NDUFB3: variants seen among roughly 807,000 people sequenced by gnomAD.
NDUFB3 encodes the protein NADH dehydrogenase [ubiquinone] 1 beta subcomplex subunit 3.
In NDUFB3, 7 loss-of-function variants were observed where a neutral mutation model predicts 9.0. That is an observed-to-expected ratio of 0.78 (90% confidence interval 0.44 to 1.46). The LOEUF is 1.46. NDUFB3 is among the 40% of genes most tolerant of loss of function. The pLI is 0.01. For synonymous variants in NDUFB3, 29 were observed against 38.5 expected (o/e 0.75, Z 0.91); for missense variants, 93 against 115.4 (o/e 0.81, Z 0.89).
intron 2 of NDUFB3, among the ~76,000 whole-genome samples, chr2:201,084,322 A>G (rs1400651191): frequency 6.6e-6 from 1 of 151,736 alleles, no homozygotes; most frequent in East Asian, 1.9e-4. Flanking sequence ...TTAGTCAGAC[A>G]TGGTGGCGGG....
intron 2 of NDUFB3, among the ~76,000 whole-genome samples, chr2:201,082,390 G>A (rs867614559): frequency 1.9e-4 from 29 of 151,844 alleles, no homozygotes; most frequent in Non-Finnish European, 4.0e-4. Context: ...TCAGCCTCCC[G>A]AGTAGCTGGG....
intron 1 of NDUFB3, among the ~76,000 whole-genome samples, chr2:201,075,998 A>G (rs2047159177): frequency 6.6e-6 from 1 of 152,226 alleles, no homozygotes; most frequent in South Asian, 2.1e-4. Flanking sequence ...AAGCCAAGAC[A>G]TTATCATTCT....
chr2:201,082,247 C>G (rs1337839803), intron 2 of NDUFB3, among the ~76,000 whole-genome samples: 2 of 151,512 alleles, frequency 1.3e-5, no homozygotes, highest in Non-Finnish European at 2.9e-5. Context: ...AGCCATCAGG[C>G]CTGGCGTTGT....
chr2:201,083,181 T>G (rs983945770), intron 2 of NDUFB3, among the ~76,000 whole-genome samples: 1 of 152,168 alleles, frequency 6.6e-6, no homozygotes, highest in African/African-American at 2.4e-5. Flanking sequence ...ACTACTATAA[T>G]GTTGAATGAA....
chr2:201,074,252 C>A (rs1163397177), intron 1 of NDUFB3, among the ~76,000 whole-genome samples: 1 of 151,956 alleles, frequency 6.6e-6, no homozygotes, highest in African/African-American at 2.4e-5. Context: ...CGCTCCTGGC[C>A]TCCAAAGACA....
chr2:201,076,463 G>C (rs2047163418), intron 1 of NDUFB3, among the ~76,000 whole-genome samples: 1 of 138,124 alleles, frequency 7.2e-6, no homozygotes, highest in African/African-American at 2.8e-5. Context: ...CTATGATCCA[G>C]AGCAAGACCC....
intron 1 of NDUFB3, among the ~76,000 whole-genome samples, chr2:201,078,172 G>A (rs1365685198): frequency 1.3e-5 from 2 of 152,024 alleles, no homozygotes; most frequent in East Asian, 1.9e-4. Flanking sequence ...CGTGGTGGCG[G>A]GCACCTGTAG....
At chr2:201,074,834 T>C (rs540384905) in intron 1 of NDUFB3, among the ~76,000 whole-genome samples, 1 of 152,206 alleles carries the variant, frequency 6.6e-6, no homozygotes, top group Non-Finnish European at 1.5e-5. Context: ...AGTATGAAAG[T>C]AGAAGGCACA....
intron 1 of NDUFB3, among the ~76,000 whole-genome samples, chr2:201,075,444 T>C (rs914292893): frequency 4.1e-4 from 62 of 151,352 alleles, no homozygotes; most frequent in African/African-American, 1.4e-3. Context: ...GGGGTTCCTG[T>C]AGTCCCAGCT....
rs530419292 is a variant in NDUFB3, at chr2:201,073,992, G to A, written c.-3+1933G>A. ...TTTTGAGACAGAGTCTCGCTCTGTCGCCCAGGCTGGAGTGCAGTGGCGCGA... is the reference window on the plus strand; with the variant it reads ...TTTTGAGACAGAGTCTCGCTCTGTCACCCAGGCTGGAGTGCAGTGGCGCGA... On this transcript the variant is annotated intron_variant, in intron 1 of 2. Coordinates refer to ENST00000237889, the MANE Select transcript of NDUFB3 (RefSeq NM_002491.3). 2.0e-4 allele frequency among the ~76,000 whole-genome samples: 30 copies of A among 151,372 alleles called. No homozygotes were observed. In the South Asian group the frequency reaches 5.3e-3, roughly 27 times the overall value.
At chr2:201,077,752 T>C (rs1281353457) in intron 1 of NDUFB3, among the ~76,000 whole-genome samples, 1 of 152,192 alleles carries the variant, frequency 6.6e-6, no homozygotes, top group African/African-American at 2.4e-5. Flanking sequence ...CAATAAGGTA[T>C]TTGCGGTAGT....
At chr2:201,080,796 C>G (rs562609139) in intron 2 of NDUFB3, among the ~76,000 whole-genome samples, 3 of 150,692 alleles carry the variant, frequency 2.0e-5, no homozygotes, top group Non-Finnish European at 4.4e-5. Context: ...CTCCACCTCC[C>G]GGGTTCACGC....
chr2:201,083,351 C>CTTTTTTTTTTTTT (rs748310803), intron 2 of NDUFB3, among the ~76,000 whole-genome samples: 4 of 119,984 alleles, frequency 3.3e-5, no homozygotes, highest in Admixed American at 8.6e-5. Flanking sequence ...TTTATTATTT[C>CTTTTTTTTTTTTT]TTTTTTTTTT....
intron 2 of NDUFB3, among the ~76,000 whole-genome samples, chr2:201,080,699 C>CTTTT (rs58130221): frequency 3.0e-4 from 30 of 99,020 alleles, no homozygotes; most frequent in East Asian, 8.8e-4. Flanking sequence ...AGATCTCCAA[C>CTTTT]TTTTTTTTTT....
intron 2 of NDUFB3, among the ~76,000 whole-genome samples, chr2:201,082,898 A>G (rs965639251): frequency 6.6e-6 from 1 of 150,388 alleles, no homozygotes; most frequent in Admixed American, 6.6e-5. Flanking sequence ...TATTTTTAGT[A>G]GAGACGGGGT....
chr2:201,073,277 T>C lies in NDUFB3; in HGVS notation c.-3+1218T>C, dbSNP rs1470564834. Among the ~76,000 whole-genome samples, 10 of 152,318 alleles carry C rather than the reference T, an allele frequency of 6.6e-5. 1 individual carries two copies. In the South Asian group the frequency reaches 2.1e-3, roughly 32 times the overall value. ...TCTATATAAATGGGTTCAGAGTGCA[T>C]GTGTATTTTTTTCTGACTCACCCCT... is the stretch of plus-strand genomic sequence containing the variant. On this transcript the variant is annotated intron_variant, in intron 1 of 2. Transcript: ENST00000237889.
chr2:201,079,291 C>T (rs1051752645), intron 2 of NDUFB3, among the ~76,000 whole-genome samples: 1 of 151,732 alleles, frequency 6.6e-6, no homozygotes, highest in Non-Finnish European at 1.5e-5. Context: ...ATTACAGGCA[C>T]GCGCCACCAA....
chr2:201,079,326 G>C (rs1282234517), intron 2 of NDUFB3, among the ~76,000 whole-genome samples: 1 of 152,086 alleles, frequency 6.6e-6, no homozygotes, highest in Non-Finnish European at 1.5e-5. Context: ...TGTGTTTTTA[G>C]TAGAGACGGG....
chr2:201,081,381 GCTGA>G (rs2047220286), intron 2 of NDUFB3, among the ~76,000 whole-genome samples: 5 of 151,848 alleles, frequency 3.3e-5, no homozygotes, highest in African/African-American at 1.2e-4. Flanking sequence ...TACTCAGGAG[GCTGA>G]GACAGGAGAA....
Sources: gnomAD v4.1 joint callset for allele counts (sites outside exome capture counted in the v4.1 genomes callset) on GRCh38, gnomAD v4.1.1 for gene constraint, MANE v1.5 for transcripts, NCBI Gene and HGNC (gene_info 2026-07-23, HGNC 2026-07-21) for gene names.